The following NTRK3 variants were observed in gnomAD, a reference collection of about 807,000 sequenced individuals.
NTRK3 encodes the protein NT-3 growth factor receptor.
In NTRK3, 24 loss-of-function variants were observed where a neutral mutation model predicts 91.7. The observed-to-expected ratio is 0.26, with a 90% CI of 0.19 to 0.37. The LOEUF (loss-of-function observed/expected upper bound fraction) is 0.37. Ranked by LOEUF, NTRK3 falls within the 10% of genes least tolerant of loss-of-function variation. NTRK3 has a pLI of 1.00. For synonymous variants in NTRK3, 483 were observed against 404.0 expected (o/e 1.20, Z -2.34); for missense variants, 880 against 1,068.9 (o/e 0.82, Z 2.46).
At chr15:87,892,044 T>C (rs903862930) in intron 17 of NTRK3, among the ~76,000 whole-genome samples, 19 of 150,820 alleles carry the variant, frequency 1.3e-4, no homozygotes, top group Admixed American at 2.7e-4. Flanking sequence ...GCAGAGCCCC[T>C]GTGAGCCATC....
At chr15:88,097,318 T>C (rs760148623) in intron 13 of NTRK3, among the ~76,000 whole-genome samples, 8 of 152,348 alleles carry the variant, frequency 5.3e-5, no homozygotes, top group Non-Finnish European at 1.2e-4. Flanking sequence ...GCTGTTAGCA[T>C]GACAAATGTA....
rs148179240 is a variant in NTRK3 at position 88,046,169 on chromosome 15, G to T, written c.1397-13124C>A. Reference sequence around the variant, plus strand: ...ATCTCAGGCTCTGGGTGAACTGGGAGTTCAATCTATGGGCATTTAATCTCC... The same window carrying T: ...ATCTCAGGCTCTGGGTGAACTGGGATTTCAATCTATGGGCATTTAATCTCC... On this transcript the variant is annotated intron_variant, in intron 13 of 18. Coordinates refer to ENST00000394480, the Ensembl canonical transcript of NTRK3. 1.4e-4 allele frequency among the ~76,000 whole-genome samples: 22 copies of T among 152,300 alleles called. No homozygotes were observed. In the East Asian group the frequency reaches 3.9e-3, roughly 27 times the overall value.
chr15:87,979,636 C>A (rs2074029562), intron 14 of NTRK3, among the ~76,000 whole-genome samples: 1 of 152,100 alleles, frequency 6.6e-6, no homozygotes, highest in Non-Finnish European at 1.5e-5. Context: ...CCTGCATGGT[C>A]AGAGAAACTG....
At chr15:87,975,503 G>T (rs957114574) in intron 14 of NTRK3, among the ~76,000 whole-genome samples, 1 of 152,178 alleles carries the variant, frequency 6.6e-6, no homozygotes, top group African/African-American at 2.4e-5. Flanking sequence ...GAATGCAGGA[G>T]GTCAGGGAGC....
intron 13 of NTRK3, among the ~76,000 whole-genome samples, chr15:88,074,103 T>C (rs940326541): frequency 3.3e-5 from 5 of 152,216 alleles, no homozygotes; most frequent in African/African-American, 1.2e-4. Context: ...CCAAGCGCCA[T>C]GGAGCAAGCT....
At chr15:88,058,966 T>A (rs571550370) in intron 13 of NTRK3, among the ~76,000 whole-genome samples, 2 of 152,172 alleles carry the variant, frequency 1.3e-5, no homozygotes, top group Admixed American at 6.5e-5. Flanking sequence ...ATGTTCACCA[T>A]CAGCAGCAAG....
At chr15:87,904,289 T>C (rs2141676258) in intron 17 of NTRK3, among the ~76,000 whole-genome samples, 1 of 152,302 alleles carries the variant, frequency 6.6e-6, no homozygotes. Flanking sequence ...TAGCTGGGAT[T>C]ACAGGCACAT....
At chr15:88,125,401 G>A (rs1429260343) in intron 13 of NTRK3, among the ~76,000 whole-genome samples, 1 of 152,118 alleles carries the variant, frequency 6.6e-6, no homozygotes, top group Non-Finnish European at 1.5e-5. Context: ...ACATCCCATA[G>A]TCTCACCAGA....
At chr15:88,089,400 T>C (rs556895952) in intron 13 of NTRK3, among the ~76,000 whole-genome samples, 1 of 152,320 alleles carries the variant, frequency 6.6e-6, no homozygotes, top group Non-Finnish European at 1.5e-5. Flanking sequence ...CACAATGACA[T>C]CCATCAGCAC....
At chr15:88,180,681 T>TAAA (rs3045935) in intron 5 of NTRK3, among the ~76,000 whole-genome samples, 35 of 107,792 alleles carry the variant, frequency 3.2e-4, no homozygotes, top group South Asian at 9.4e-4. Flanking sequence ...GCCATTACCC[T>TAAA]AAAAAAAAAA....
At chr15:88,251,958 G>A (rs1372345814) in intron 3 of NTRK3, among the ~76,000 whole-genome samples, 4 of 152,170 alleles carry the variant, frequency 2.6e-5, no homozygotes, top group Admixed American at 6.5e-5. Flanking sequence ...TGGCCCCAGG[G>A]TGTATGACAG....
chr15:88,136,601 C>G (rs2151212442), exon 8 of NTRK3: 3 of 1,612,734 alleles, frequency 1.9e-6, no homozygotes, highest in South Asian at 2.2e-5. Context: ...ACGCTGATCT[C>G]AGGAAGGTCT....
intron 13 of NTRK3, among the ~76,000 whole-genome samples, chr15:88,049,896 A>G (rs2080644714): frequency 6.6e-6 from 1 of 152,240 alleles, no homozygotes. Context: ...AGCTATAGGA[A>G]AGCATTAGAC....
chr15:87,992,349 GA>G (rs1283870494), intron 14 of NTRK3, among the ~76,000 whole-genome samples: 1 of 152,084 alleles, frequency 6.6e-6, no homozygotes, highest in Non-Finnish European at 1.5e-5. Context: ...CCACTGTCCT[GA>G]ATGCTTATCT....
intron 16 of NTRK3, among the ~76,000 whole-genome samples, chr15:87,932,604 TGTAAGA>T (rs1395812579): frequency 3.3e-5 from 5 of 151,960 alleles, no homozygotes; most frequent in African/African-American, 1.2e-4. Flanking sequence ...CCAGGAGGGG[TGTAAGA>T]TACTAGCCTC....
chr15:88,217,913 C>T (rs1480544132), intron 3 of NTRK3, among the ~76,000 whole-genome samples: 2 of 152,080 alleles, frequency 1.3e-5, no homozygotes, highest in Admixed American at 6.5e-5. Flanking sequence ...CGCCCGCCAC[C>T]GCGTCCGGTT....
chr15:87,946,874 C>CTTTTTTTTTTT (rs560114979), intron 14 of NTRK3, among the ~76,000 whole-genome samples: 1 of 85,438 alleles, frequency 1.2e-5, no homozygotes, highest in African/African-American at 4.1e-5. Context: ...TTCGTGGGTT[C>CTTTTTTTTTTT]TTTTTTTTTT....
At chr15:88,216,407 C>T (rs1338540905) in intron 3 of NTRK3, among the ~76,000 whole-genome samples, 5 of 152,198 alleles carry the variant, frequency 3.3e-5, no homozygotes, top group Non-Finnish European at 7.3e-5. Flanking sequence ...CCCTGTGGGC[C>T]TGGAGCTTGA....
intron 14 of NTRK3, among the ~76,000 whole-genome samples, chr15:87,961,188 T>A (rs76849859): frequency 1.3e-5 from 2 of 152,298 alleles, no homozygotes; most frequent in East Asian, 3.9e-4. Context: ...CCAGGGCATA[T>A]GGGTACTTAT....
Sources: gnomAD v4.1 joint callset for allele counts (sites outside exome capture counted in the v4.1 genomes callset) on GRCh38, gnomAD v4.1.1 for gene constraint, MANE v1.5 for transcripts, NCBI Gene and HGNC (gene_info 2026-07-23, HGNC 2026-07-21) for gene names.